Variants in ACER1 observed in about 807,000 individuals in gnomAD.
ACER1 encodes alkaline ceramidase 1.
A neutral mutation model predicts 24.9 loss-of-function variants in ACER1; 28 were observed. The ratio of observed to expected loss-of-function variants is 1.13; its 90% CI spans 0.83 to 1.54. The LOEUF (loss-of-function observed/expected upper bound fraction) is 1.54, where lower values mean the gene tolerates loss of function less well. Among genes scored for constraint, ACER1 ranks in the 40% most tolerant of loss-of-function variants. The probability of loss-of-function intolerance (pLI) is 0.00; values close to 1 mark genes in which losing one functional copy is unlikely to be tolerated. For missense variants in ACER1, 352 were observed against 349.3 expected, an observed-to-expected ratio of 1.01 and a Z score of -0.06; for synonymous variants, 132 against 131.4, an observed-to-expected ratio of 1.00 and a Z score of -0.03.
the ACER1 span, among the ~76,000 whole-genome samples, chr19:6,350,189 CG>C: frequency 0.06 from 9,051 of 150,726 alleles, 393 homozygotes; most frequent in African/African-American, 0.12. Context: ...GGGAAGGGTC[CG>C]GGCGTGGTGG....
At chr19:6,355,358 C>G in the ACER1 span, among the ~76,000 whole-genome samples, 2 of 146,624 alleles carry the variant, frequency 1.4e-5, no homozygotes, top group African/African-American at 5.3e-5. Context: ...GCCTGGCCAC[C>G]ACCCCATCTA....
At chr19:6,314,427 G>A (rs1486603413) in intron 1 of ACER1, among the ~76,000 whole-genome samples, 2 of 148,210 alleles carry the variant, frequency 1.3e-5, no homozygotes, top group East Asian at 2.0e-4. Flanking sequence ...CCGAGATCAC[G>A]CCATCGCACT....
chr19:6,347,131 T>TATATAAAA, the ACER1 span, among the ~76,000 whole-genome samples: 7 of 134,538 alleles, frequency 5.2e-5, no homozygotes, highest in South Asian at 2.4e-4. Flanking sequence ...TATATATATA[T>TATATAAAA]AAAATAATAA....
chr19:6,309,793 C>T lies in ACER1; in HGVS notation c.392G>A (p.Ser131Asn). The change falls in exon 4 of 6, where the codon AGC becomes AAC. Residue 131 changes from serine (S) to asparagine (N), a missense_variant. Coordinates refer to ENST00000301452, the MANE Select transcript of ACER1 (RefSeq NM_133492.3). ...GGGCCGCAGGAAGGACAGAAGGGTG[C>T]TGACCACAGTGGTGATGAAGACCAG... ...IRLVFITTVV[S>N]TLLSFLRPTV... 6.2e-7 allele frequency: 1 copy of T among 1,614,092 alleles called. No homozygotes were observed. The highest frequency in any genetic ancestry group is 8.5e-7 in the Non-Finnish European group (1 of 1,179,994).
rs551946361 is a variant in ACER1, at chr19:6,307,368, A to C, written c.489-78T>G. 19 of 1,527,290 alleles carry C rather than the reference A, an allele frequency of 1.2e-5. No individual in the cohort carries two copies. The African/African-American group carries it at 2.1e-4, about 17-fold the overall frequency. The allele number at this position is 1,527,290 out of a possible 1,614,324, so 94.6% of individuals were successfully genotyped here. ...GGGCTGATGGGAAATTCCTCCTTCC[A>C]CAGTGATGAGGCTCAGAGGTTGGGA... On this transcript the variant is annotated intron_variant, in intron 4 of 5. Coordinates refer to ENST00000301452, the MANE Select transcript of ACER1 (RefSeq NM_133492.3).
At chr19:6,311,661 GAGA>G (rs1215789590) in intron 3 of ACER1, among the ~76,000 whole-genome samples, 1 of 151,058 alleles carries the variant, frequency 6.6e-6, no homozygotes, top group African/African-American at 2.4e-5. Flanking sequence ...GAAGGAGGAG[GAGA>G]AGGAGGAGGA....
chr19:6,342,377 T>C, the ACER1 span, among the ~76,000 whole-genome samples: 20 of 148,192 alleles, frequency 1.3e-4, no homozygotes, highest in Admixed American at 3.4e-4. Flanking sequence ...CTGGGCAACA[T>C]AGGCAGACTG....
intron 1 of ACER1, among the ~76,000 whole-genome samples, chr19:6,331,357 G>A (rs1181078762): frequency 6.8e-6 from 1 of 147,200 alleles, no homozygotes; most frequent in Non-Finnish European, 1.5e-5. Flanking sequence ...CACCACGTTG[G>A]CCAGGATGGT....
At chr19:6,315,759 C>T (rs1048657424) in intron 1 of ACER1, among the ~76,000 whole-genome samples, 3 of 152,174 alleles carry the variant, frequency 2.0e-5, no homozygotes, top group African/African-American at 7.2e-5. Context: ...AAGCAATCCA[C>T]CCGCCTTGGC....
At chr19:6,358,940 A>G in the ACER1 span, among the ~76,000 whole-genome samples, 1 of 151,462 alleles carries the variant, frequency 6.6e-6, no homozygotes, top group South Asian at 2.1e-4. Context: ...TCTCAAAAAA[A>G]AAAAAAAAAA....
chr19:6,342,629 G>A, the ACER1 span, among the ~76,000 whole-genome samples: 1 of 151,184 alleles, frequency 6.6e-6, no homozygotes, highest in Non-Finnish European at 1.5e-5. Context: ...TGAGGCAGGA[G>A]AATGGCGTGA....
the ACER1 span, among the ~76,000 whole-genome samples, chr19:6,351,029 G>T: frequency 6.6e-6 from 1 of 152,118 alleles, no homozygotes; most frequent in South Asian, 2.1e-4. Flanking sequence ...CTCCCTCACA[G>T]TCATACCTAA....
chr19:6,352,664 C>G, the ACER1 span, among the ~76,000 whole-genome samples: 1 of 152,210 alleles, frequency 6.6e-6, no homozygotes, highest in Non-Finnish European at 1.5e-5. Flanking sequence ...CACAGGTGCA[C>G]ACCTTTGATC....
At chr19:6,326,671 T>C (rs2091663297) in intron 1 of ACER1, among the ~76,000 whole-genome samples, 1 of 152,028 alleles carries the variant, frequency 6.6e-6, no homozygotes, top group Non-Finnish European at 1.5e-5. Flanking sequence ...CGCCTCAAGC[T>C]AACCATGGGG....
chr19:6,309,440 T>G (rs2091566597), intron 4 of ACER1, among the ~76,000 whole-genome samples: 2 of 151,984 alleles, frequency 1.3e-5, no homozygotes. Context: ...GAGGATTGCT[T>G]GAGCCTGGGA....
chr19:6,338,081 C>CAA (rs199592493), upstream of ACER1, among the ~76,000 whole-genome samples: 67 of 145,280 alleles, frequency 4.6e-4, no homozygotes, highest in African/African-American at 1.6e-3. Context: ...AACCCTGTCT[C>CAA]AAAAAAAAAT....
chr19:6,322,751 G>C (rs1016278637), intron 1 of ACER1, among the ~76,000 whole-genome samples: 1 of 152,112 alleles, frequency 6.6e-6, no homozygotes, highest in Admixed American at 6.6e-5. Context: ...TGAATTATCG[G>C]GGTGGGTCTG....
At position 6,312,158 on chromosome 19, in the gene ACER1, C is replaced by A. The variant is rs202029685; in HGVS notation, c.341G>T (p.Gly114Val). 5.0e-6 allele frequency: 8 copies of A among 1,613,336 alleles called. No individual in the cohort carries two copies. The highest frequency in any genetic ancestry group is 2.2e-5 in the East Asian group (1 of 44,882). ...CCAGCCCCTGACCCACCTGTTCCCC[C>A]CAAGGAAGGAGGGGAAATAGCAGCG... is the stretch of plus-strand genomic sequence containing the variant. The part of the protein sequence containing the change: ...MPRCYFPSFL[G>V]GNRSQFIRLV... Residue 114 changes from glycine (G) to valine (V), a missense_variant, in exon 3 of 6, where the codon GGG becomes GTG. Physicochemically the swap from Gly to Val is moderately radical, Grantham distance 109. Transcript: ENST00000301452.
the ACER1 span, among the ~76,000 whole-genome samples, chr19:6,347,440 G>A: frequency 7.5e-4 from 114 of 151,994 alleles, no homozygotes; most frequent in African/African-American, 2.7e-3. Context: ...AGCTGGCCTT[G>A]AACTCTTGGG....
Sources: allele counts gnomAD v4.1 joint callset (sites outside exome capture counted in the v4.1 genomes callset), GRCh38; gene constraint gnomAD v4.1.1; transcripts MANE v1.5; gene names NCBI Gene and HGNC (gene_info 2026-07-23, HGNC 2026-07-21).